The following VPS13D variants were observed in gnomAD, a reference collection of about 807,000 sequenced individuals.
VPS13D encodes the protein vacuolar protein sorting 13 homolog D.
Under a neutral mutation model 461.9 loss-of-function variants are expected in VPS13D, and 187 were observed. The observed-to-expected ratio is 0.40, with a 90% CI of 0.36 to 0.46. VPS13D has a LOEUF of 0.46. VPS13D is among the 20% of genes least tolerant of loss of function. The pLI, the probability that VPS13D is intolerant of heterozygous loss-of-function variation, is 0.60. For missense variants in VPS13D, 4,711 were observed against 5,364.9 expected, an observed-to-expected ratio of 0.88 and a Z score of 3.81; for synonymous variants, 1,951 against 1,986.3, an observed-to-expected ratio of 0.98 and a Z score of 0.47.
intron 65 of VPS13D, among the ~76,000 whole-genome samples, chr1:12,431,981 T>G (rs1644997707): frequency 6.6e-6 from 1 of 152,194 alleles, no homozygotes; most frequent in Non-Finnish European, 1.5e-5. Context: ...CTTTGGGTGA[T>G]GCCAAAATTA....
chr1:12,462,260 G>A (rs1194246017), intron 67 of VPS13D, among the ~76,000 whole-genome samples: 4 of 152,200 alleles, frequency 2.6e-5, no homozygotes, highest in Admixed American at 6.5e-5. Context: ...GGAGAAGGAG[G>A]GTGGCTAACC....
chr1:12,478,383 C>T (rs368568201), intron 67 of VPS13D, among the ~76,000 whole-genome samples: 38 of 152,214 alleles, frequency 2.5e-4, no homozygotes, highest in African/African-American at 8.7e-4. Context: ...GGGGGAGGTT[C>T]TGTGTCCCAT....
At chr1:12,388,040 A>C (rs1644371525) in intron 60 of VPS13D, among the ~76,000 whole-genome samples, 1 of 152,232 alleles carries the variant, frequency 6.6e-6, no homozygotes, top group African/African-American at 2.4e-5. Context: ...TGAATACCAG[A>C]AATGATAACT....
intron 54 of VPS13D, among the ~76,000 whole-genome samples, chr1:12,371,498 C>G (rs1644116738): frequency 6.6e-6 from 1 of 150,722 alleles, no homozygotes; most frequent in African/African-American, 2.4e-5. Flanking sequence ...TCAAGCGATT[C>G]TCCTGCCTCA....
chr1:12,401,777 A>G, intron 62 of VPS13D, 73 bp downstream of exon 62: 2 of 1,296,270 alleles, frequency 1.5e-6, no homozygotes. Context: ...GTTTGTAAAA[A>G]TAGGTAGCCC....
chr1:12,393,705 C>G (rs1644458910), intron 60 of VPS13D, among the ~76,000 whole-genome samples: 4 of 152,172 alleles, frequency 2.6e-5, no homozygotes, highest in Admixed American at 2.6e-4. Flanking sequence ...TACTATTTTT[C>G]TAGGTAGAGG....
intron 55 of VPS13D, among the ~76,000 whole-genome samples, chr1:12,378,148 A>AG (rs1491200148): frequency 5.3e-5 from 8 of 152,238 alleles, no homozygotes; most frequent in African/African-American, 1.7e-4. Context: ...TTTCTAAAAA[A>AG]GGAAAAAAAC....
chr1:12,273,965 C>A (rs1641532406), intron 18 of VPS13D, among the ~76,000 whole-genome samples: 1 of 151,656 alleles, frequency 6.6e-6, no homozygotes, highest in Non-Finnish European at 1.5e-5. Flanking sequence ...ATTTTTAATT[C>A]TTTATTTACC....
At chr1:12,406,866 G>A (rs1257207152) in intron 63 of VPS13D, among the ~76,000 whole-genome samples, 1 of 152,092 alleles carries the variant, frequency 6.6e-6, no homozygotes, top group African/African-American at 2.4e-5. Flanking sequence ...TTAGAGCATT[G>A]GGGTATTACA....
intron 13 of VPS13D, among the ~76,000 whole-genome samples, chr1:12,264,792 T>C (rs140259573): frequency 6.6e-6 from 1 of 152,350 alleles, no homozygotes; most frequent in Non-Finnish European, 1.5e-5. Context: ...AGATCCTTGC[T>C]ATGCTAAATG....
intron 54 of VPS13D, among the ~76,000 whole-genome samples, chr1:12,371,575 T>C (rs1045216757): frequency 1.3e-5 from 2 of 151,986 alleles, no homozygotes; most frequent in African/African-American, 4.8e-5. Context: ...GTATTTTTAG[T>C]AGAGATGGGA....
At position 12,293,679 on chromosome 1, in the gene VPS13D, A is replaced by C. The variant is rs1349342130; in HGVS notation, c.6008A>C (p.Gln2003Pro). Residue 2003 changes from glutamine to proline, a missense_variant, in exon 24 of 70, where the codon CAG (glutamine) becomes CCG (proline). This residue lies in a region of VPS13D where 4,411 missense variants were observed against 4,937.8 expected (regional missense o/e 0.89). Coordinates refer to ENST00000620676, the MANE Select transcript of VPS13D (RefSeq NM_015378.4). ...CAGCTGCAGGATGTCTTAGGGCGCC[A>C]GCGAGCTGCTATTGAGGGGCAGACG... ...FTQLQDVLGRQRAAIEGQTVR... is the reference protein window; with the variant it reads ...FTQLQDVLGRPRAAIEGQTVR... The C allele has an allele frequency of 2.5e-6, 4 of 1,613,918 alleles. No individual in the cohort carries two copies. The highest frequency in any genetic ancestry group is 3.4e-6 in the Non-Finnish European group (4 of 1,180,002).
intron 60 of VPS13D, among the ~76,000 whole-genome samples, chr1:12,388,989 A>G (rs1287986450): frequency 6.6e-6 from 1 of 152,216 alleles, no homozygotes; most frequent in Non-Finnish European, 1.5e-5. Flanking sequence ...CTAAAAGGAT[A>G]TGTATATAAG....
intron 1 of VPS13D, among the ~76,000 whole-genome samples, chr1:12,233,756 A>G (rs556812046): frequency 3.0e-4 from 46 of 152,228 alleles, no homozygotes; most frequent in African/African-American, 1.1e-3. Flanking sequence ...TCATCTTTTA[A>G]AACATCTGCA....
chr1:12,301,348 A>G (rs1642419909), intron 25 of VPS13D, among the ~76,000 whole-genome samples: 1 of 152,228 alleles, frequency 6.6e-6, no homozygotes, highest in Admixed American at 6.5e-5. Context: ...TATGTCTGAC[A>G]GACTAGCTAT....
chr1:12,415,699 A>G (rs1298561225), intron 64 of VPS13D, among the ~76,000 whole-genome samples: 1 of 152,226 alleles, frequency 6.6e-6, no homozygotes, highest in Non-Finnish European at 1.5e-5. Context: ...TCTTCAATGA[A>G]TAGATAGGTC....
At position 12,379,477 on chromosome 1, in the gene VPS13D, C is replaced by T; in HGVS notation, c.11082-11C>T. Reference sequence around the variant, plus strand: ...GAGGTTTCATGGTTCATTGTGTATTCCGTTTTCCAGATACGAGCCACTGAT... The same window carrying T: ...GAGGTTTCATGGTTCATTGTGTATTTCGTTTTCCAGATACGAGCCACTGAT... On this transcript the variant is annotated splice_polypyrimidine_tract_variant and intron_variant, in intron 56 of 69. Transcript: ENST00000620676. 2 of 1,610,794 alleles carry T rather than the reference C, an allele frequency of 1.2e-6. No individual in the cohort carries two copies. The highest frequency in any genetic ancestry group is 1.7e-6 in the Non-Finnish European group (2 of 1,178,256).
chr1:12,485,643 T>G (rs548312290), intron 67 of VPS13D, among the ~76,000 whole-genome samples: 1 of 152,178 alleles, frequency 6.6e-6, no homozygotes, highest in South Asian at 2.1e-4. Context: ...CAGAACAGAT[T>G]GTAATTTTTA....
chr1:12,305,235 C>T (rs1193666041), intron 26 of VPS13D, among the ~76,000 whole-genome samples: 3 of 152,122 alleles, frequency 2.0e-5, no homozygotes, highest in Admixed American at 6.6e-5. Context: ...TTAGTCATTC[C>T]AAATGAGAAC....
Sources: gnomAD v4.1 joint callset for allele counts (sites outside exome capture counted in the v4.1 genomes callset) on GRCh38, gnomAD v4.1.1 for gene constraint, gnomAD v4.1.1 regional missense constraint, MANE v1.5 for transcripts, NCBI Gene and HGNC (gene_info 2026-07-23, HGNC 2026-07-21) for gene names.